The following ZNF85 variants were observed in gnomAD, a reference collection of about 807,000 sequenced individuals.
ZNF85 encodes zinc finger protein 85 (HPF4, HTF1).
A neutral mutation model predicts 53.9 loss-of-function variants in ZNF85; 50 were observed. That is an observed-to-expected ratio of 0.93 (90% confidence interval 0.74 to 1.17). ZNF85 has a LOEUF of 1.17. ZNF85 is among the 50% of genes most tolerant of loss of function. The pLI, the probability that ZNF85 is intolerant of heterozygous loss-of-function variation, is 0.00. For synonymous variants in ZNF85, 225 were observed against 226.1 expected (o/e 1.00, Z 0.04); for missense variants, 747 against 688.5 (o/e 1.08, Z -0.95).
chr19:20,946,140 G>C (rs1053724600), intron 3 of ZNF85, among the ~76,000 whole-genome samples: 1 of 151,794 alleles, frequency 6.6e-6, no homozygotes, highest in Admixed American at 6.6e-5. Context: ...AATGCAATGA[G>C]AAGTTTTAAA....
intron 3 of ZNF85, chr19:20,946,255 T>C: frequency 2.7e-6 from 1 of 372,878 alleles, no homozygotes; most frequent in South Asian, 2.2e-5. Flanking sequence ...TTATAAAATT[T>C]TAGTTCTAAA....
intron 3 of ZNF85, among the ~76,000 whole-genome samples, chr19:20,939,964 T>C (rs1000854261): frequency 6.6e-6 from 1 of 152,220 alleles, no homozygotes; most frequent in African/African-American, 2.4e-5. Flanking sequence ...CCCAAAGTGC[T>C]GGGATTACAG....
chr19:20,932,248 A>C (rs1011445499), intron 1 of ZNF85, among the ~76,000 whole-genome samples: 1 of 152,146 alleles, frequency 6.6e-6, no homozygotes, highest in South Asian at 2.1e-4. Context: ...AAAGCAAAAC[A>C]TGTCTCAGAT....
chr19:20,943,052 A>G, intron 3 of ZNF85: 2 of 472,894 alleles, frequency 4.2e-6, no homozygotes, highest in Non-Finnish European at 7.4e-6. Flanking sequence ...TTGGGATTAT[A>G]GGTATGAGCC....
intron 1 of ZNF85, chr19:20,927,224 T>C (rs1410367770): frequency 6.6e-6 from 1 of 151,686 alleles, no homozygotes. Context: ...GAGGCTGAGA[T>C]GGGCATTTCA....
intron 1 of ZNF85, chr19:20,927,887 A>T (rs1229408908): frequency 7.0e-6 from 1 of 143,806 alleles, no homozygotes; most frequent in Admixed American, 6.9e-5. Flanking sequence ...TCTGAGGGGG[A>T]AAAAAAGTGT....
At chr19:20,943,651 T>A (rs1022598855) in intron 3 of ZNF85, 39 of 152,344 alleles carry the variant, frequency 2.6e-4, no homozygotes, top group African/African-American at 9.4e-4. Flanking sequence ...TTCTTATTGA[T>A]CTTTTGTCTG....
intron 3 of ZNF85, chr19:20,946,270 T>G (rs1973417025): frequency 1.3e-5 from 5 of 383,878 alleles, no homozygotes; most frequent in South Asian, 4.1e-5. Context: ...TCTAAAAAAT[T>G]TGTTAAGACT....
At chr19:20,926,040 T>C (rs1972872832) in intron 1 of ZNF85, among the ~76,000 whole-genome samples, 1 of 152,238 alleles carries the variant, frequency 6.6e-6, no homozygotes, top group African/African-American at 2.4e-5. Flanking sequence ...GGTGTGCTTA[T>C]GGCTGGGTGA....
intron 3 of ZNF85, among the ~76,000 whole-genome samples, chr19:20,938,550 G>A (rs996256922): frequency 6.6e-6 from 1 of 151,984 alleles, no homozygotes; most frequent in Admixed American, 6.6e-5. Context: ...TTTCCATCTT[G>A]CTGATGTTAC....
chr19:20,923,490 T>C (rs1972806121), intron 1 of ZNF85, 87 bp downstream of exon 1: 3 of 1,599,550 alleles, frequency 1.9e-6, no homozygotes, highest in Non-Finnish European at 2.6e-6. Context: ...CAGGCCTCCC[T>C]GTAGTCAGCT....
At chr19:20,929,995 C>T (rs901875909) in intron 1 of ZNF85, among the ~76,000 whole-genome samples, 1 of 151,952 alleles carries the variant, frequency 6.6e-6, no homozygotes, top group Non-Finnish European at 1.5e-5. Context: ...TTGGCATGCA[C>T]CCGTAATCCC....
Position 20,949,858 on chromosome 19 carries a change from T to G in ZNF85, c.1344T>G (p.His448Gln). 1 of 1,612,750 alleles carries G rather than the reference T, an allele frequency of 6.2e-7. No individual in the cohort carries two copies. Among genetic ancestry groups the G allele is most frequent in the African/African-American group, 1.3e-5 (1 of 74,980 alleles). ...AACTTACTGAACATAAGAAAATTCATACTGGAGAGAAACCCTATGAATGTG... is the reference window on the plus strand; with the variant it reads ...AACTTACTGAACATAAGAAAATTCAGACTGGAGAGAAACCCTATGAATGTG... Reference protein sequence around the residue: ...SSKLTEHKKIHTGEKPYECEK... With the variant: ...SSKLTEHKKIQTGEKPYECEK... The change falls in exon 4 of 4, where the codon CAT (histidine) becomes CAG (glutamine). Residue 448 changes from histidine to glutamine, a missense_variant. By Grantham distance (24) the His-to-Gln change is conservative. Coordinates refer to ENST00000328178, the MANE Select transcript of ZNF85 (RefSeq NM_003429.5).
At chr19:20,923,871 C>A (rs961722911) in intron 1 of ZNF85, among the ~76,000 whole-genome samples, 3 of 152,040 alleles carry the variant, frequency 2.0e-5, no homozygotes, top group Non-Finnish European at 4.4e-5. Flanking sequence ...CATCTGAGGT[C>A]AGGAGTTCAA....
chr19:20,949,531 G>A lies in ZNF85; in HGVS notation c.1017G>A (p.Glu339=). 1 of 1,613,178 alleles carries A rather than the reference G, an allele frequency of 6.2e-7. No individual in the cohort carries two copies. Among genetic ancestry groups the A allele is most frequent in the Non-Finnish European group, 8.5e-7 (1 of 1,179,624 alleles). ...LTTHKIIHTG[E]KPYKCKKCGK... is the part of the protein sequence containing the mutation. ...CACATAAGATAATTCATACTGGAGAGAAACCCTACAAATGTAAAAAATGTG... is the reference window on the plus strand; with the variant it reads ...CACATAAGATAATTCATACTGGAGAAAAACCCTACAAATGTAAAAAATGTG... The change falls in exon 4 of 4, where the codon GAG becomes GAA. Residue 339 remains glutamate, a synonymous_variant. Coordinates refer to ENST00000328178, the MANE Select transcript of ZNF85 (RefSeq NM_003429.5).
chr19:20,931,170 A>G (rs1158635545), intron 1 of ZNF85, among the ~76,000 whole-genome samples: 1 of 152,096 alleles, frequency 6.6e-6, no homozygotes, highest in Non-Finnish European at 1.5e-5. Flanking sequence ...CTCTAATGCC[A>G]ATAATGAGCC....
Position 20,949,473 on chromosome 19 carries a change from G to A in ZNF85, c.959G>A (p.Gly320Asp), listed in dbSNP as rs369791469. 687 of 1,613,246 alleles carry A rather than the reference G, an allele frequency of 4.3e-4. 11 individuals carry two copies. In the South Asian group the frequency reaches 7.1e-3, roughly 17 times the overall value. ...GEKPYKCEECGKAFKQSSNLT... is the reference protein window; with the variant it reads ...GEKPYKCEECDKAFKQSSNLT... ...AAACCTTACAAATGTGAAGAATGTG[G>A]CAAAGCCTTTAAGCAGTCCTCAAAC... Residue 320 changes from glycine to aspartate, a missense_variant, in exon 4 of 4, where the codon GGC becomes GAC. Transcript: ENST00000328178.
Position 20,949,104 on chromosome 19 carries a change from CTAGAG to C in ZNF85, c.593_597del (p.Arg198LysfsTer6), listed in dbSNP as rs777540050. ...CTAACTGAACATAGCAGAATTCATACTAGAGTAAATTTCTACAAATGTGAAGAATG... is the reference window on the plus strand; with the variant it reads ...CTAACTGAACATAGCAGAATTCATACTAAATTTCTACAAATGTGAAGAATG... On this transcript the variant is annotated frameshift_variant, in exon 4 of 4. Transcript: ENST00000328178. LOFTEE classifies it high-confidence loss of function. 3 of 1,613,538 alleles carry C rather than the reference CTAGAG, an allele frequency of 1.9e-6. No individual in the cohort carries two copies. Among genetic ancestry groups the C allele is most frequent in the East Asian group, 4.5e-5 (2 of 44,852 alleles).
intron 3 of ZNF85, among the ~76,000 whole-genome samples, chr19:20,937,946 G>A (rs1973197699): frequency 6.6e-6 from 1 of 152,192 alleles, no homozygotes; most frequent in Admixed American, 6.5e-5. Flanking sequence ...CTGAATGAGG[G>A]CCTGCCTTCC....
Sources: allele counts gnomAD v4.1 joint callset (sites outside exome capture counted in the v4.1 genomes callset), GRCh38; gene constraint gnomAD v4.1.1; transcripts MANE v1.5; gene names NCBI Gene and HGNC (gene_info 2026-07-23, HGNC 2026-07-21).